The following TRIM29 variants were observed in gnomAD, a reference collection of about 807,000 sequenced individuals.
The protein encoded by TRIM29 is tripartite motif-containing protein 29.
TRIM29 carries 52 observed loss-of-function variants against 57.3 expected under a neutral mutation model. The ratio of observed to expected loss-of-function variants is 0.91; its 90% CI spans 0.73 to 1.14. TRIM29 has a LOEUF of 1.14. Among genes scored for constraint, TRIM29 ranks in the 50% most tolerant of loss-of-function variants. The pLI is 0.00. For missense variants in TRIM29, 753 were observed against 774.6 expected, an observed-to-expected ratio of 0.97 and a Z score of 0.33; for synonymous variants, 319 against 316.9, an observed-to-expected ratio of 1.01 and a Z score of -0.07.
At chr11:120,125,363 G>A in intron 4 of TRIM29, 1 of 332,622 alleles carries the variant, frequency 3.0e-6, no homozygotes, top group Admixed American at 4.2e-5. Flanking sequence ...TGCTGGGCTG[G>A]GCCCGGCAAT....
chr11:120,135,373 C>G (rs1041222863), intron 1 of TRIM29, among the ~76,000 whole-genome samples: 2 of 152,128 alleles, frequency 1.3e-5, no homozygotes, highest in Admixed American at 1.3e-4. Context: ...AACAATCTAG[C>G]CTCACCCCTT....
Position 120,137,674 on chromosome 11 carries a change from T to C in TRIM29, c.358A>G (p.Thr120Ala). The change falls in exon 1 of 9, where the codon ACC becomes GCC. Residue 120 changes from threonine to alanine, a missense_variant. Transcript: ENST00000341846. This position sits in a 1 kb window ranked among gnomAD's most constrained non-coding sequence, Gnocchi z 6.2. ...CGCAGCTCGCCCTTTTCGGCAAAGG[T>C]AACGGGTGGCTTCTTGGCAGCCCCC... ...QLGAAKKPPV[T>A]FAEKGELRKS... 6.2e-7 allele frequency: 1 copy of C among 1,613,286 alleles called. No homozygotes were observed. Among genetic ancestry groups the C allele is most frequent in the South Asian group, 1.1e-5 (1 of 91,044 alleles).
chr11:120,130,240 G>A (rs1182725587), intron 1 of TRIM29, among the ~76,000 whole-genome samples: 1 of 152,172 alleles, frequency 6.6e-6, no homozygotes, highest in Non-Finnish European at 1.5e-5. Flanking sequence ...TCTGTCCGAA[G>A]CACCTTTCTC....
In TRIM29 at chr11:120,115,383, G is replaced by T; in HGVS notation, c.1659C>A (p.Pro553=). ...GYPSLMRSQS[P]KAQPQTWKSG... ...ATTTCCAAGTCTGGGGCTGGGCCTT[G>T]GGGCTTTGGCTCCGCATGAGGGAGG... The change falls in exon 8 of 9, where the codon CCC becomes CCA. Residue 553 remains proline (P), a synonymous_variant. Transcript: ENST00000341846. 6.2e-7 allele frequency: 1 copy of T among 1,613,942 alleles called. No homozygotes were observed. The highest frequency in any genetic ancestry group is 8.5e-7 in the Non-Finnish European group (1 of 1,179,962).
In TRIM29 at chr11:120,123,011, C is replaced by T; in HGVS notation, c.1378G>A (p.Gly460Ser). Residue 460 changes from glycine to serine, a missense_variant, in exon 5 of 9, where the codon GGT becomes AGT. By Grantham distance (56) the Gly-to-Ser change is moderately conservative. Coordinates refer to ENST00000341846, the MANE Select transcript of TRIM29 (RefSeq NM_012101.4). ...YVNNYTNSFG[G>S]EWSAPDTMKR... Reference sequence around the variant, plus strand: ...ATGGTGTCCGGTGCACTCCACTCACCCCCGAAGCTGTTCGTGTAGTTGTTC... The same window carrying T: ...ATGGTGTCCGGTGCACTCCACTCACTCCCGAAGCTGTTCGTGTAGTTGTTC... The T allele has an allele frequency of 2.5e-6, 4 of 1,614,108 alleles. No homozygotes were observed. Among genetic ancestry groups the T allele is most frequent in the Non-Finnish European group, 2.5e-6 (3 of 1,180,008 alleles).
intron 4 of TRIM29, chr11:120,124,339 G>A (rs902481686): frequency 5.2e-5 from 8 of 152,390 alleles, no homozygotes; most frequent in Non-Finnish European, 1.0e-4. Context: ...GCCCTGCCGA[G>A]TTTGTACCCC....
chr11:120,131,625 G>A (rs1863724695), intron 1 of TRIM29, among the ~76,000 whole-genome samples: 1 of 151,550 alleles, frequency 6.6e-6, no homozygotes, highest in African/African-American at 2.4e-5. Flanking sequence ...GCAGGACACA[G>A]CAGGCTCTTG....
chr11:120,123,904 G>A (rs1863521709), intron 4 of TRIM29: 2 of 202,552 alleles, frequency 9.9e-6, no homozygotes, highest in Admixed American at 1.1e-4. Context: ...AGGATGAAGT[G>A]GCCTGGTGTC....
intron 8 of TRIM29, among the ~76,000 whole-genome samples, chr11:120,114,836 C>T (rs1863227153): frequency 6.6e-6 from 1 of 152,122 alleles, no homozygotes; most frequent in African/African-American, 2.4e-5. Context: ...TGCCTGGCCT[C>T]GGGTCATTAG....
chr11:120,118,768 C>T (rs1327592288), intron 6 of TRIM29: 1 of 155,860 alleles, frequency 6.4e-6, no homozygotes, highest in Non-Finnish European at 1.4e-5. Context: ...GCCTAGGACA[C>T]TTCTCCTGCT....
chr11:120,119,952 C>T (rs1863391487), intron 6 of TRIM29, among the ~76,000 whole-genome samples: 1 of 152,096 alleles, frequency 6.6e-6, no homozygotes, highest in South Asian at 2.1e-4. Flanking sequence ...TAGCAGCTTC[C>T]CCTGGGGAAG....
chr11:120,113,464 T>C (rs941497357), intron 8 of TRIM29: 3 of 341,962 alleles, frequency 8.8e-6, no homozygotes, highest in African/African-American at 6.4e-5. Flanking sequence ...CTGAGCTGGG[T>C]CAGAGACTGA....
chr11:120,121,692 G>A (rs1395473643), intron 5 of TRIM29: 1 of 219,822 alleles, frequency 4.5e-6, no homozygotes, highest in Non-Finnish European at 9.7e-6. Context: ...AGGCCCTCGG[G>A]GTGGCATCAT....
chr11:120,132,999 C>A (rs139392158), intron 1 of TRIM29, among the ~76,000 whole-genome samples: 2 of 152,118 alleles, frequency 1.3e-5, no homozygotes, highest in Non-Finnish European at 2.9e-5. Flanking sequence ...AGAGTTAGCA[C>A]CCCCCTCAGT....
At chr11:120,123,888 G>A (rs1027470144) in intron 4 of TRIM29, 9 of 228,642 alleles carry the variant, frequency 3.9e-5, no homozygotes, top group Admixed American at 5.2e-5. Flanking sequence ...GTGCCCCACA[G>A]AGTCCAGGAT....
intron 5 of TRIM29, chr11:120,121,740 C>A: frequency 4.0e-6 from 1 of 248,472 alleles, no homozygotes; most frequent in South Asian, 4.5e-5. Context: ...CTCCCACAAC[C>A]TGCAGGAGGC....
Position 120,127,492 on chromosome 11 carries a change from C to T in TRIM29, c.978G>A (p.Glu326=). Residue 326 remains glutamate, a synonymous_variant, in exon 3 of 9, where the codon GAG becomes GAA. Transcript: ENST00000341846. ...GCTGCTCCAGCGCAGCCCTCACTTC[C>T]TCCTTTTGCTTCTCCAGGTCCCGCA... ...DLVRDLEKQK[E]EVRAALEQRE... The T allele has an allele frequency of 6.2e-7, 1 of 1,614,230 alleles. No homozygotes were observed. Among genetic ancestry groups the T allele is most frequent in the Non-Finnish European group, 8.5e-7 (1 of 1,180,044 alleles).
intron 1 of TRIM29, among the ~76,000 whole-genome samples, chr11:120,130,514 A>G (rs926058331): frequency 7.2e-5 from 11 of 152,202 alleles, no homozygotes; most frequent in Admixed American, 2.0e-4. Context: ...GTGGGCTCAG[A>G]GGGGGCTCCC....
intron 8 of TRIM29, chr11:120,113,543 GGT>G: frequency 2.2e-6 from 1 of 449,534 alleles, no homozygotes; most frequent in Non-Finnish European, 4.5e-6. Context: ...ACACCTCAAG[GGT>G]ACACTGCCTT....
Sources: allele counts gnomAD v4.1 joint callset (sites outside exome capture counted in the v4.1 genomes callset), GRCh38; gene constraint gnomAD v4.1.1; non-coding constraint Gnocchi (gnomAD v3.1); transcripts MANE v1.5; gene names NCBI Gene and HGNC (gene_info 2026-07-23, HGNC 2026-07-21).